The following CSMD1 variants were observed in gnomAD, a reference collection of about 807,000 sequenced individuals.
CSMD1 encodes CUB and Sushi multiple domains 1.
Under a neutral mutation model 417.5 loss-of-function variants are expected in CSMD1, and 213 were observed. The observed-to-expected ratio is 0.51, with a 90% CI of 0.46 to 0.57. The LOEUF (loss-of-function observed/expected upper bound fraction) is 0.57. Ranked by LOEUF, CSMD1 falls within the 20% of genes least tolerant of loss-of-function variation. The pLI is 0.00. For missense variants in CSMD1, 6,923 were observed against 4,529.7 expected, an observed-to-expected ratio of 1.53 and a Z score of -15.17; for synonymous variants, 2,862 against 1,736.8, an observed-to-expected ratio of 1.65 and a Z score of -16.11.
At chr8:4,457,321 T>C (rs1280716742) in intron 2 of CSMD1, among the ~76,000 whole-genome samples, 2 of 152,120 alleles carry the variant, frequency 1.3e-5, no homozygotes, top group East Asian at 1.9e-4. Context: ...TTTGAATTTG[T>C]AGAGTGCTTG....
chr8:3,296,000 C>G (rs967410474), intron 25 of CSMD1, among the ~76,000 whole-genome samples: 3 of 151,952 alleles, frequency 2.0e-5, no homozygotes, highest in East Asian at 1.9e-4. Context: ...GATAGGCAAA[C>G]CACAGCATCC....
At chr8:4,257,104 C>A (rs1229710163) in intron 3 of CSMD1, among the ~76,000 whole-genome samples, 1 of 152,120 alleles carries the variant, frequency 6.6e-6, no homozygotes, top group Admixed American at 6.5e-5. Context: ...CCACACTCGC[C>A]ATACTCTATA....
intron 3 of CSMD1, among the ~76,000 whole-genome samples, chr8:4,383,596 G>C (rs1803246751): frequency 6.6e-6 from 1 of 152,138 alleles, no homozygotes; most frequent in Non-Finnish European, 1.5e-5. Flanking sequence ...AAACATGGAA[G>C]TGTTTAATAA....
chr8:4,047,415 A>T (rs1035129799), intron 3 of CSMD1, among the ~76,000 whole-genome samples: 2 of 152,318 alleles, frequency 1.3e-5, no homozygotes, highest in Middle Eastern at 3.4e-3. Flanking sequence ...GGAAAAAATA[A>T]ATTGAAATTA....
At chr8:4,332,615 A>C (rs979915474) in intron 3 of CSMD1, among the ~76,000 whole-genome samples, 4 of 150,744 alleles carry the variant, frequency 2.7e-5, no homozygotes, top group African/African-American at 7.4e-5. Flanking sequence ...ACAGAGTCAT[A>C]TGCAGAGACA....
intron 3 of CSMD1, among the ~76,000 whole-genome samples, chr8:4,147,965 C>T (rs1171337656): frequency 1.3e-5 from 2 of 152,128 alleles, no homozygotes; most frequent in East Asian, 1.9e-4. Flanking sequence ...ACAGAAGATG[C>T]ACCAAAGCCC....
In CSMD1 at chr8:4,157,011, T is replaced by C. The variant is rs148836525; in HGVS notation, c.416-124912A>G. The stretch of plus-strand genomic sequence containing the variant: ...CCCAGATGATATTAAGTAGGGGTGG[T>C]GGCCAGGCATTGAGGGGCATGTTAT... On this transcript the variant is annotated intron_variant, in intron 3 of 69. Coordinates refer to ENST00000635120, the MANE Select transcript of CSMD1 (RefSeq NM_033225.6). Among the ~76,000 whole-genome samples the C allele has an allele frequency of 7.5e-3, 1,143 of 152,148 alleles. 21 individuals are homozygous for C. Among genetic ancestry groups the C allele is most frequent in the African/African-American group, 0.026 (1,079 of 41,502 alleles).
chr8:4,060,893 C>G (rs953804083), intron 3 of CSMD1, among the ~76,000 whole-genome samples: 2 of 152,098 alleles, frequency 1.3e-5, no homozygotes, highest in African/African-American at 4.8e-5. Context: ...AAATAAAACT[C>G]CCACTAAGCC....
intron 1 of CSMD1, among the ~76,000 whole-genome samples, chr8:4,703,943 A>T (rs186928269): frequency 1.3e-5 from 2 of 152,166 alleles, no homozygotes; most frequent in African/African-American, 4.8e-5. Context: ...CACAAGTAGC[A>T]CACAACCTAG....
chr8:3,835,924 G>A (rs1427716323), intron 5 of CSMD1, among the ~76,000 whole-genome samples: 1 of 151,828 alleles, frequency 6.6e-6, no homozygotes, highest in Admixed American at 6.6e-5. Context: ...TATTTTCTCC[G>A]TAGGAACAAT....
At chr8:3,349,441 G>A (rs1311188117) in intron 21 of CSMD1, among the ~76,000 whole-genome samples, 2 of 152,014 alleles carry the variant, frequency 1.3e-5, no homozygotes, top group Admixed American at 6.6e-5. Flanking sequence ...AGGGTGTGAG[G>A]AGAAAGTCAG....
At chr8:4,104,060 C>G (rs959035991) in intron 3 of CSMD1, among the ~76,000 whole-genome samples, 1 of 152,172 alleles carries the variant, frequency 6.6e-6, no homozygotes, top group Non-Finnish European at 1.5e-5. Flanking sequence ...TACTCAAGTA[C>G]TACAATAGGT....
chr8:4,730,279 A>C (rs35433274), intron 1 of CSMD1, among the ~76,000 whole-genome samples: 2 of 151,976 alleles, frequency 1.3e-5, no homozygotes, highest in Non-Finnish European at 2.9e-5. Context: ...AACTCAGAAC[A>C]ACTGTGAAGA....
intron 2 of CSMD1, among the ~76,000 whole-genome samples, chr8:4,448,587 A>T (rs970279609): frequency 7.2e-5 from 11 of 152,200 alleles, no homozygotes; most frequent in Admixed American, 7.2e-4. Context: ...GTATTGTGCA[A>T]TTTTAAAGTC....
chr8:4,697,395 C>A (rs2116797603), intron 1 of CSMD1, among the ~76,000 whole-genome samples: 1 of 152,172 alleles, frequency 6.6e-6, no homozygotes, highest in Middle Eastern at 3.4e-3. Flanking sequence ...GGCTACTTTA[C>A]ATGCTAGCAA....
At position 4,666,358 on chromosome 8, in the gene CSMD1, G is replaced by T. The variant is rs74645204; in HGVS notation, c.86-28800C>A. On this transcript the variant is annotated intron_variant, in intron 1 of 69. Coordinates refer to ENST00000635120, the MANE Select transcript of CSMD1 (RefSeq NM_033225.6). ...GAGAGGGCTTTTAACATGGAAGAGG[G>T]AGGCAGAGTCAGTGTGAAAGTGAGT... Among the ~76,000 whole-genome samples, 850 of 152,246 alleles carry T rather than the reference G, an allele frequency of 5.6e-3. 16 individuals are homozygous for T. The highest frequency in any genetic ancestry group is 0.046 in the East Asian group (238 of 5,170).
At chr8:3,169,435 G>A (rs1820445259) in intron 37 of CSMD1, among the ~76,000 whole-genome samples, 1 of 151,828 alleles carries the variant, frequency 6.6e-6, no homozygotes, top group African/African-American at 2.4e-5. Context: ...GACAAATATT[G>A]TATGATTCCA....
intron 1 of CSMD1, among the ~76,000 whole-genome samples, chr8:4,781,885 T>A (rs915931729): frequency 2.0e-5 from 3 of 152,216 alleles, no homozygotes; most frequent in East Asian, 1.9e-4. Context: ...ATGGAGTGAC[T>A]TATACCACAT....
chr8:3,604,819 C>T lies in CSMD1; in HGVS notation c.1097+11891G>A, dbSNP rs543070031. ...CAAGGGCATCAACGTGATAGCATTTCTCTCTTGATGAAGACAACAGTGAGA... is the reference window on the plus strand; with the variant it reads ...CAAGGGCATCAACGTGATAGCATTTTTCTCTTGATGAAGACAACAGTGAGA... On this transcript the variant is annotated intron_variant, in intron 8 of 69. Transcript: ENST00000635120. Among the ~76,000 whole-genome samples, 8 of 152,250 alleles carry T rather than the reference C, an allele frequency of 5.3e-5. No homozygotes were observed. The South Asian group carries it at 1.7e-3, about 32-fold the overall frequency.
Sources: allele counts gnomAD v4.1 joint callset (sites outside exome capture counted in the v4.1 genomes callset), GRCh38; gene constraint gnomAD v4.1.1; transcripts MANE v1.5; gene names NCBI Gene and HGNC (gene_info 2026-07-23, HGNC 2026-07-21).